The following TFR2 variants were observed in gnomAD, a reference collection of about 807,000 sequenced individuals.
TFR2 encodes the protein transferrin receptor protein 2.
In TFR2, 64 loss-of-function variants were observed where a neutral mutation model predicts 91.9. The ratio of observed to expected loss-of-function variants is 0.70; its 90% CI spans 0.57 to 0.86. The LOEUF (loss-of-function observed/expected upper bound fraction) is 0.86, where lower values mean the gene tolerates loss of function less well. Among genes scored for constraint, TFR2 ranks in the 40% least tolerant of loss-of-function variants. The pLI is 0.00. For synonymous variants in TFR2, 454 were observed against 459.6 expected, an observed-to-expected ratio of 0.99 and a Z score of 0.15; for missense variants, 950 against 1,080.5, an observed-to-expected ratio of 0.88 and a Z score of 1.69.
chr7:100,620,867 T>A lies in TFR2; in HGVS notation c.2396A>T (p.Asn799Ile). The A allele has an allele frequency of 6.2e-7, 1 of 1,614,066 alleles. No homozygotes were observed. The highest frequency in any genetic ancestry group is 8.5e-7 in the Non-Finnish European group (1 of 1,179,906). ...ALSGDVWNID[N>I]NF ...AGGATCCCCAGGGCCTCAGAAGTTG[T>A]TATCAATGTTCCAGACATCCCCGCT... The change falls in exon 18 of 18, where the codon AAC (asparagine) becomes ATC (isoleucine). Residue 799 changes from asparagine to isoleucine, a missense_variant. By Grantham distance (149) the Asn-to-Ile change is moderately radical. Coordinates refer to ENST00000223051, the MANE Select transcript of TFR2 (RefSeq NM_003227.4).
chr7:100,628,417 T>C (rs1803330516), intron 10 of TFR2, 111 bp from the exon 11 acceptor site: 2 of 1,030,740 alleles, frequency 1.9e-6, no homozygotes, highest in Non-Finnish European at 2.9e-6. Flanking sequence ...TCTCTCTCTC[T>C]GAGACAGGAT....
At chr7:100,634,574 C>T (rs1396430923) in intron 3 of TFR2, among the ~76,000 whole-genome samples, 8 of 152,264 alleles carry the variant, frequency 5.3e-5, no homozygotes, top group South Asian at 4.1e-4. Context: ...ACATCAAAAG[C>T]GTGAGATAAG....
At chr7:100,633,371 CCGCGTCCCCCTCCCCG>C (rs777726980) in intron 4 of TFR2, 29 bp downstream of exon 4, 8 of 1,609,008 alleles carry the variant, frequency 5.0e-6, no homozygotes, top group Non-Finnish European at 6.8e-6. Context: ...GCGCCCCGAG[CCGCGTCCCCCTCCCCG>C]CGCGCCCCCC....
At chr7:100,624,127 C>T (rs1159945773) in intron 17 of TFR2, among the ~76,000 whole-genome samples, 2 of 151,960 alleles carry the variant, frequency 1.3e-5, no homozygotes, top group Non-Finnish European at 2.9e-5. Context: ...GCTCAAAAAC[C>T]TCTCTAATTT....
rs142149120 is a variant in TFR2, at chr7:100,632,173, G to T, written c.875C>A (p.Ala292Asp). ...CTCTGGGTATATGAGCACTCCTTGA[G>T]CCCCGAAGTCCTGAGCATTGGTCAC... ...QKVTNAQDFG[A>D]QGVLIYPEPA... is the part of the protein sequence containing the mutation. Residue 292 changes from alanine (A) to aspartate (D), a missense_variant, in exon 7 of 18, where the codon GCT becomes GAT. Transcript: ENST00000223051. The T allele has an allele frequency of 5.6e-6, 9 of 1,614,086 alleles. No individual in the cohort carries two copies. The highest frequency in any genetic ancestry group is 6.8e-6 in the Non-Finnish European group (8 of 1,180,004).
intron 17 of TFR2, among the ~76,000 whole-genome samples, chr7:100,621,411 G>T (rs898487241): frequency 2.6e-5 from 4 of 152,064 alleles, no homozygotes. Flanking sequence ...CCGCCACGAC[G>T]CCCGGCTAAT....
intron 6 of TFR2, 45 bp downstream of exon 6, chr7:100,632,956 T>G (rs377641290): frequency 6.8e-6 from 11 of 1,613,392 alleles, no homozygotes; most frequent in Non-Finnish European, 8.5e-6. Context: ...AGTCCGACCC[T>G]CCGGTTCCCG....
chr7:100,626,912 G>C lies in TFR2; in HGVS notation c.1996-9C>G. The C allele has an allele frequency of 2.0e-6, 3 of 1,534,736 alleles. No individual in the cohort carries two copies. The highest frequency in any genetic ancestry group is 2.6e-6 in the Non-Finnish European group (3 of 1,143,084). On this transcript the variant is annotated splice_polypyrimidine_tract_variant and intron_variant, in intron 16 of 17. Transcript: ENST00000223051. ...AGGGTCAGCCCGCGGGCCTGGGGTGGGGAGGCGCGGGCTGGGGCTGGCGGC... is the reference window on the plus strand; with the variant it reads ...AGGGTCAGCCCGCGGGCCTGGGGTGCGGAGGCGCGGGCTGGGGCTGGCGGC...
chr7:100,632,072 C>T lies in TFR2; in HGVS notation c.966+10G>A. On this transcript the variant is annotated intron_variant, in intron 7 of 17. Transcript: ENST00000223051. ...CCTGGGAACAGCACGACCAGCCTCC[C>T]CAGACTCACATGTCCATACACTGCC... The T allele has an allele frequency of 6.2e-7, 1 of 1,614,098 alleles. No homozygotes were observed. Among genetic ancestry groups the T allele is most frequent in the Non-Finnish European group, 8.5e-7 (1 of 1,180,006 alleles).
At position 100,640,953 on chromosome 7, in the gene TFR2, C is replaced by T. The variant is rs766244642; in HGVS notation, c.286+23G>A. On this transcript the variant is annotated intron_variant, in intron 2 of 17. Coordinates refer to ENST00000223051, the MANE Select transcript of TFR2 (RefSeq NM_003227.4). ...CTCCCCCAGCCCAAGCCCTTCACTT[C>T]TGGGGAGGGGGACGGCTCTCACCCC... 7 of 1,613,042 alleles carry T rather than the reference C, an allele frequency of 4.3e-6. No homozygotes were observed. In the African/African-American group the frequency reaches 6.7e-5, roughly 15 times the overall value.
chr7:100,623,447 C>G (rs1803163629), intron 17 of TFR2, among the ~76,000 whole-genome samples: 1 of 152,106 alleles, frequency 6.6e-6, no homozygotes, highest in Non-Finnish European at 1.5e-5. Context: ...CTGCCACTCT[C>G]AAGACATTTG....
intron 1 of TFR2, 115 bp from the exon 2 acceptor site, chr7:100,641,343 G>A: frequency 8.6e-6 from 12 of 1,399,212 alleles, no homozygotes; most frequent in East Asian, 2.6e-5. Context: ...TGGTGGGGGC[G>A]TGGGGGAGGG....
chr7:100,632,987 C>T lies in TFR2; in HGVS notation c.849+14G>A, dbSNP rs764877859. On this transcript the variant is annotated intron_variant, in intron 6 of 17. Coordinates refer to ENST00000223051, the MANE Select transcript of TFR2 (RefSeq NM_003227.4). Reference sequence around the variant, plus strand: ...TCCCGGGCTCAAGCCCTCCCTCTGTCCAGGGACACTTACCTTCTGGGCGAA... The same window carrying T: ...TCCCGGGCTCAAGCCCTCCCTCTGTTCAGGGACACTTACCTTCTGGGCGAA... The T allele has an allele frequency of 9.3e-6, 15 of 1,613,694 alleles. No homozygotes were observed. Among genetic ancestry groups the T allele is most frequent in the Non-Finnish European group, 1.3e-5 (15 of 1,179,996 alleles).
Position 100,641,159 on chromosome 7 carries a change from C to T in TFR2, c.103G>A (p.Glu35Lys). The change falls in exon 2 of 18, where the codon GAG (glutamate) becomes AAG (lysine). Residue 35 changes from glutamate to lysine, a missense_variant. Coordinates refer to ENST00000223051, the MANE Select transcript of TFR2 (RefSeq NM_003227.4). ...RVEGPRKGHL[E>K]EEEEDGEEGA... The stretch of plus-strand genomic sequence containing the variant: ...TCCTCCCCGTCTTCCTCTTCCTCCT[C>T]CAGGTGCCCTTTCCGGGGGCCTTCC... The T allele has an allele frequency of 6.5e-7, 1 of 1,536,332 alleles. No homozygotes were observed. Among genetic ancestry groups the T allele is most frequent in the Non-Finnish European group, 8.8e-7 (1 of 1,140,966 alleles).
rs775789853 is a variant in TFR2, at chr7:100,633,506, A to G, written c.524T>C (p.Leu175Pro). ...RVAGSAGMAA[L>P]TQDIRAALSR... ...GAGCGCCGCGCGAATGTCCTGAGTC[A>G]GAGCGGCCATCCCGGCCGAGCCTGC... The change falls in exon 4 of 18, where the codon CTG becomes CCG. Residue 175 changes from leucine (L) to proline (P), a missense_variant. Transcript: ENST00000223051. The G allele has an allele frequency of 1.2e-6, 2 of 1,610,726 alleles. No individual in the cohort carries two copies. Among genetic ancestry groups the G allele is most frequent in the Non-Finnish European group, 1.7e-6 (2 of 1,179,796 alleles).
Position 100,627,367 on chromosome 7 carries a change from A to C in TFR2, c.1892T>G (p.Ile631Ser), listed in dbSNP as rs1164281494. The change falls in exon 16 of 18, where the codon ATC becomes AGC. Residue 631 changes from isoleucine to serine, a missense_variant. Ile to Ser is a moderately radical substitution (Grantham distance 142). Coordinates refer to ENST00000223051, the MANE Select transcript of TFR2 (RefSeq NM_003227.4). Reference sequence around the variant, plus strand: ...CAGCAGGCGATCGTGGCTGAGCCGGATGAGGAGCTGCCCTGCGAGCTGGGC... The same window carrying C: ...CAGCAGGCGATCGTGGCTGAGCCGGCTGAGGAGCTGCCCTGCGAGCTGGGC... ...AVAQLAGQLL[I>S]RLSHDRLLPL... The C allele has an allele frequency of 6.4e-7, 1 of 1,553,942 alleles. No individual in the cohort carries two copies. Among genetic ancestry groups the C allele is most frequent in the Non-Finnish European group, 8.7e-7 (1 of 1,148,594 alleles).
chr7:100,631,522 T>A, intron 8 of TFR2: 1 of 361,014 alleles, frequency 2.8e-6, no homozygotes, highest in Non-Finnish European at 5.2e-6. Flanking sequence ...TACTCTGGAG[T>A]CTGAGGCAGA....
Position 100,627,303 on chromosome 7 carries a change from C to T in TFR2, c.1956G>A (p.Arg652=), listed in dbSNP as rs1170988281. The change falls in exon 16 of 18, where the codon AGG becomes AGA. Residue 652 remains arginine, a synonymous_variant. Coordinates refer to ENST00000223051, the MANE Select transcript of TFR2 (RefSeq NM_003227.4). The part of the protein sequence containing the change: ...DFGRYGDVVL[R]HIGNLNEFSG... Reference sequence around the variant, plus strand: ...AGAACTCGTTGAGGTTCCCGATGTGCCTGAGGACGACGTCCCCGTAGCGGC... The same window carrying T: ...AGAACTCGTTGAGGTTCCCGATGTGTCTGAGGACGACGTCCCCGTAGCGGC... 3.2e-6 allele frequency: 5 copies of T among 1,549,484 alleles called. No individual in the cohort carries two copies. Among genetic ancestry groups the T allele is most frequent in the Middle Eastern group, 2.1e-4 (1 of 4,706 alleles).
intron 3 of TFR2, chr7:100,639,794 T>TC (rs1803655840): frequency 6.7e-6 from 1 of 149,326 alleles, no homozygotes; most frequent in Admixed American, 6.7e-5. Context: ...TTTCTTTTTT[T>TC]TTTTTTTTGA....
Sources: gnomAD v4.1 joint callset for allele counts (sites outside exome capture counted in the v4.1 genomes callset) on GRCh38, gnomAD v4.1.1 for gene constraint, MANE v1.5 for transcripts, NCBI Gene and HGNC (gene_info 2026-07-23, HGNC 2026-07-21) for gene names.